CLSTN2: variants seen among roughly 807,000 people sequenced by gnomAD.
CLSTN2 encodes the protein calsyntenin 2, also known as calsyntenin-2.
Under a neutral mutation model 101.2 loss-of-function variants are expected in CLSTN2, and 48 were observed. That is an observed-to-expected ratio of 0.47 (90% CI 0.38 to 0.60). The LOEUF (loss-of-function observed/expected upper bound fraction) is 0.60. CLSTN2 is among the 20% of genes least tolerant of loss of function. CLSTN2 has a pLI of 0.00. For missense variants in CLSTN2, 1,160 were observed against 1,238.2 expected, an observed-to-expected ratio of 0.94 and a Z score of 0.95; for synonymous variants, 481 against 463.6, an observed-to-expected ratio of 1.04 and a Z score of -0.48.
At chr3:140,113,081 G>T (rs971835196) in intron 1 of CLSTN2, among the ~76,000 whole-genome samples, 2 of 152,200 alleles carry the variant, frequency 1.3e-5, no homozygotes, top group Admixed American at 6.5e-5. Context: ...TACTCTGATT[G>T]GTTTTTTGAG....
intron 1 of CLSTN2, among the ~76,000 whole-genome samples, chr3:140,084,642 C>G (rs1457462700): frequency 1.3e-5 from 2 of 152,152 alleles, no homozygotes; most frequent in African/African-American, 4.8e-5. Context: ...TGAGGGTTCT[C>G]TAATATACTT....
intron 5 of CLSTN2, among the ~76,000 whole-genome samples, chr3:140,433,244 G>A (rs1404384389): frequency 1.3e-5 from 2 of 152,222 alleles, no homozygotes; most frequent in African/African-American, 2.4e-5. Context: ...TGGTGGAGGT[G>A]GGAGGGGTAT....
rs368952179 is a variant in CLSTN2, at chr3:140,007,119, C to T, written c.109+71636C>T. 1.4e-3 allele frequency among the ~76,000 whole-genome samples: 214 copies of T among 152,116 alleles called. 1 individual carries two copies. The highest frequency in any genetic ancestry group is 4.8e-3 in the African/African-American group (201 of 41,496). ...CCTATTTCTGACCCACCGAGAAGTT[C>T]CTTTTCCCTCTGTCACTTACTAGGG... is the stretch of plus-strand genomic sequence containing the variant. On this transcript the variant is annotated intron_variant, in intron 1 of 16. Coordinates refer to ENST00000458420, the MANE Select transcript of CLSTN2 (RefSeq NM_022131.3).
rs779744102 is a variant in CLSTN2 at position 140,421,232 on chromosome 3, G to A, written c.745G>A (p.Val249Met). The A allele has an allele frequency of 1.2e-6, 2 of 1,614,046 alleles. No individual in the cohort carries two copies. The highest frequency in any genetic ancestry group is 1.7e-6 in the Non-Finnish European group (2 of 1,180,014). The change falls in exon 5 of 17, where the codon GTG becomes ATG. Residue 249 changes from valine to methionine, a missense_variant. Physicochemically the swap from Val to Met is conservative, Grantham distance 21. Coordinates refer to ENST00000458420, the MANE Select transcript of CLSTN2 (RefSeq NM_022131.3). Reference sequence around the variant, plus strand: ...GAAGCCCGCTGCTCAGGACACCCTGGTGCAGGTGGATGTGAAGCCAGTTTG... The same window carrying A: ...GAAGCCCGCTGCTCAGGACACCCTGATGCAGGTGGATGTGAAGCCAGTTTG... Reference protein sequence around the residue: ...GQKPAAQDTLVQVDVKPVCKP... With the variant: ...GQKPAAQDTLMQVDVKPVCKP...
chr3:139,998,982 C>T (rs895093017), intron 1 of CLSTN2, among the ~76,000 whole-genome samples: 1 of 121,354 alleles, frequency 8.2e-6, no homozygotes, highest in South Asian at 2.9e-4. Flanking sequence ...TCCTCTTCTG[C>T]CCGGACCTTG....
intron 1 of CLSTN2, among the ~76,000 whole-genome samples, chr3:139,957,034 T>C (rs1286013865): frequency 1.3e-5 from 2 of 152,200 alleles, no homozygotes; most frequent in Admixed American, 1.3e-4. Context: ...TAAGTTTTGA[T>C]GCAGAAACTA....
At chr3:140,369,176 C>T (rs1048301496) in intron 2 of CLSTN2, among the ~76,000 whole-genome samples, 1 of 151,994 alleles carries the variant, frequency 6.6e-6, no homozygotes, top group Non-Finnish European at 1.5e-5. Context: ...GTTCTGTTAC[C>T]CAGCAACATC....
intron 2 of CLSTN2, among the ~76,000 whole-genome samples, chr3:140,295,415 C>T (rs1285426091): frequency 6.6e-6 from 1 of 152,098 alleles, no homozygotes. Flanking sequence ...TTTTCCTTTA[C>T]AGAAAGGCTT....
At chr3:140,551,878 A>T (rs1384214820) in intron 10 of CLSTN2, among the ~76,000 whole-genome samples, 1 of 150,716 alleles carries the variant, frequency 6.6e-6, no homozygotes, top group Admixed American at 6.6e-5. Flanking sequence ...ATCCTAGCAA[A>T]CCTAATAGAC....
chr3:140,327,753 T>G (rs1293140191), intron 2 of CLSTN2, among the ~76,000 whole-genome samples: 1 of 152,216 alleles, frequency 6.6e-6, no homozygotes, highest in Non-Finnish European at 1.5e-5. Flanking sequence ...TTAAGTGAAA[T>G]GAGTACCATG....
intron 2 of CLSTN2, among the ~76,000 whole-genome samples, chr3:140,362,032 G>A (rs1419749802): frequency 6.6e-6 from 1 of 152,106 alleles, no homozygotes; most frequent in Non-Finnish European, 1.5e-5. Context: ...AAGGAATAAC[G>A]AAGTCAAAGA....
intron 12 of CLSTN2, among the ~76,000 whole-genome samples, chr3:140,561,458 T>C (rs974024038): frequency 6.6e-6 from 1 of 152,218 alleles, no homozygotes; most frequent in Non-Finnish European, 1.5e-5. Context: ...ACAACTTGAC[T>C]GACCAACTTG....
In CLSTN2 at chr3:140,076,229, G is replaced by T. The variant is rs1399519907; in HGVS notation, c.110-99722G>T. The stretch of plus-strand genomic sequence containing the variant: ...CGCGTTCATCCTTGTTGTTGCCTAT[G>T]GCAGGATTTTCACCTTTTTAAAGGC... On this transcript the variant is annotated intron_variant, in intron 1 of 16. Coordinates refer to ENST00000458420, the MANE Select transcript of CLSTN2 (RefSeq NM_022131.3). Among the ~76,000 whole-genome samples, 3 of 152,174 alleles carry T rather than the reference G, an allele frequency of 2.0e-5. No individual in the cohort carries two copies. The East Asian group carries it at 5.8e-4, about 29-fold the overall frequency.
chr3:140,499,711 T>C (rs937192365), intron 8 of CLSTN2, among the ~76,000 whole-genome samples: 2 of 152,174 alleles, frequency 1.3e-5, no homozygotes, highest in South Asian at 2.1e-4. Flanking sequence ...CCTGCCCTGA[T>C]ACCTGAAGTT....
At chr3:140,174,750 C>T (rs2010294870) in intron 1 of CLSTN2, among the ~76,000 whole-genome samples, 1 of 152,112 alleles carries the variant, frequency 6.6e-6, no homozygotes, top group South Asian at 2.1e-4. Flanking sequence ...GAAACCACCC[C>T]CATCATTCAA....
chr3:140,461,876 G>A (rs1018321024), intron 7 of CLSTN2, among the ~76,000 whole-genome samples: 22 of 151,610 alleles, frequency 1.5e-4, no homozygotes, highest in African/African-American at 5.1e-4. Context: ...AGAGAAAGTG[G>A]GAAGATATTT....
At chr3:140,035,693 C>T (rs1167129814) in intron 1 of CLSTN2, among the ~76,000 whole-genome samples, 1 of 152,152 alleles carries the variant, frequency 6.6e-6, no homozygotes, top group African/African-American at 2.4e-5. Context: ...GAAAAGCTTG[C>T]TGATATTAGC....
At chr3:140,063,263 T>C (rs1402906604) in intron 1 of CLSTN2, among the ~76,000 whole-genome samples, 1 of 150,860 alleles carries the variant, frequency 6.6e-6, no homozygotes, top group Non-Finnish European at 1.5e-5. Flanking sequence ...ACCTAAATTT[T>C]AGTACCCCCT....
intron 1 of CLSTN2, 118 bp from the exon 2 acceptor site, chr3:140,175,833 T>A: frequency 9.9e-7 from 1 of 1,005,254 alleles, no homozygotes; most frequent in Non-Finnish European, 1.4e-6. Flanking sequence ...TCCATGTCTC[T>A]CATGGGATTG....
Sources: gnomAD v4.1 joint callset for allele counts (sites outside exome capture counted in the v4.1 genomes callset) on GRCh38, gnomAD v4.1.1 for gene constraint, MANE v1.5 for transcripts, NCBI Gene and HGNC (gene_info 2026-07-23, HGNC 2026-07-21) for gene names.